The following NINL variants were observed in gnomAD, a reference collection of about 807,000 sequenced individuals.
The protein encoded by NINL is ninein-like protein.
In NINL, 153 loss-of-function variants were observed where a neutral mutation model predicts 160.3. The observed-to-expected ratio is 0.95, with a 90% CI of 0.84 to 1.09. The LOEUF (loss-of-function observed/expected upper bound fraction) is 1.09. NINL is among the 50% of genes least tolerant of loss of function. NINL has a pLI of 0.00. For missense variants in NINL, 1,829 were observed against 1,764.0 expected, an observed-to-expected ratio of 1.04 and a Z score of -0.66; for synonymous variants, 800 against 734.8, an observed-to-expected ratio of 1.09 and a Z score of -1.43.
intron 1 of NINL, among the ~76,000 whole-genome samples, chr20:25,572,386 T>C (rs1313830106): frequency 6.6e-6 from 1 of 152,186 alleles, no homozygotes; most frequent in African/African-American, 2.4e-5. Context: ...GAGAGGTGTC[T>C]CTACCACTGA....
intron 7 of NINL, among the ~76,000 whole-genome samples, chr20:25,502,264 G>A (rs150823868): frequency 1.3e-5 from 2 of 152,250 alleles, no homozygotes; most frequent in East Asian, 3.9e-4. Flanking sequence ...TTACAGACGT[G>A]AGCCACCATG....
chr20:25,473,457 AATAAAATAAAATAAAAT>A (rs1476685056), intron 17 of NINL, among the ~76,000 whole-genome samples: 3 of 148,408 alleles, frequency 2.0e-5, no homozygotes, highest in Non-Finnish European at 4.4e-5. Context: ...CTCTACAATG[AATAAAATAAAATAAAAT>A]ATAAAATAAA....
chr20:25,554,539 C>A (rs2064841923), intron 1 of NINL, among the ~76,000 whole-genome samples: 1 of 149,672 alleles, frequency 6.7e-6, no homozygotes, highest in African/African-American at 2.5e-5. Flanking sequence ...AATCCCAGCA[C>A]TTTGGGAGGC....
At chr20:25,511,030 C>G (rs1362445879) in intron 4 of NINL, among the ~76,000 whole-genome samples, 1 of 152,194 alleles carries the variant, frequency 6.6e-6, no homozygotes, top group East Asian at 1.9e-4. Flanking sequence ...CAACAGTTGA[C>G]ACTGAAAATA....
intron 3 of NINL, among the ~76,000 whole-genome samples, chr20:25,514,003 A>G (rs932314591): frequency 2.6e-4 from 39 of 152,256 alleles, no homozygotes; most frequent in African/African-American, 9.4e-4. Context: ...ACAAAGATAC[A>G]TGAAAATGTG....
intron 5 of NINL, among the ~76,000 whole-genome samples, chr20:25,508,441 C>A (rs1326075755): frequency 2.0e-5 from 3 of 152,240 alleles, no homozygotes; most frequent in Non-Finnish European, 4.4e-5. Flanking sequence ...GCATGGTCAG[C>A]GGCCTGCCTG....
chr20:25,471,758 AG>A (rs1457705628), intron 17 of NINL, among the ~76,000 whole-genome samples: 1 of 152,234 alleles, frequency 6.6e-6, no homozygotes, highest in Non-Finnish European at 1.5e-5. Flanking sequence ...GGGCCCTGGA[AG>A]GAGGTTCAGA....
At chr20:25,491,278 ACC>A in intron 11 of NINL, 71 bp downstream of exon 11, 1 of 1,511,572 alleles carries the variant, frequency 6.6e-7, no homozygotes, top group Non-Finnish European at 8.9e-7. Context: ...TGGATCCTCA[ACC>A]AGGATGACGT....
chr20:25,462,593 T>C (rs750512756), intron 19 of NINL, 52 bp from the exon 20 acceptor site: 1 of 1,465,826 alleles, frequency 6.8e-7, no homozygotes, highest in South Asian at 1.2e-5. Context: ...TTAATTTTCA[T>C]GTTATATATA....
intron 19 of NINL, among the ~76,000 whole-genome samples, chr20:25,463,030 C>A (rs1253552093): frequency 1.3e-5 from 2 of 152,166 alleles, no homozygotes. Context: ...CCAGGTACAA[C>A]TTTGCTCCTG....
At chr20:25,457,199 C>T (rs2090708540) in intron 22 of NINL, among the ~76,000 whole-genome samples, 1 of 152,150 alleles carries the variant, frequency 6.6e-6, no homozygotes, top group African/African-American at 2.4e-5. Flanking sequence ...TGATGCGTGC[C>T]TGTAGTCCCA....
intron 1 of NINL, among the ~76,000 whole-genome samples, chr20:25,543,115 T>C (rs1309277545): frequency 6.6e-6 from 1 of 151,544 alleles, no homozygotes; most frequent in Non-Finnish European, 1.5e-5. Context: ...AAAGTAAAAT[T>C]ATCTGTTTGT....
chr20:25,487,303 G>A (rs550870679), intron 13 of NINL, among the ~76,000 whole-genome samples: 1 of 152,088 alleles, frequency 6.6e-6, no homozygotes, highest in African/African-American at 2.4e-5. Context: ...TCTCATTTTT[G>A]CTGGGTGGGG....
At chr20:25,572,943 A>T (rs902340289) in intron 1 of NINL, among the ~76,000 whole-genome samples, 2 of 152,208 alleles carry the variant, frequency 1.3e-5, no homozygotes, top group Admixed American at 6.5e-5. Flanking sequence ...TAAAACTGAG[A>T]CACTTTCTCT....
In NINL at chr20:25,480,272, A is replaced by G; in HGVS notation, c.1811-5T>C. 1 of 1,611,572 alleles carries G rather than the reference A, an allele frequency of 6.2e-7. No homozygotes were observed. Among genetic ancestry groups the G allele is most frequent in the East Asian group, 2.2e-5 (1 of 44,872 alleles). On this transcript the variant is annotated splice_region_variant and splice_polypyrimidine_tract_variant and intron_variant, in intron 14 of 23. Coordinates refer to ENST00000278886, the MANE Select transcript of NINL (RefSeq NM_025176.6). ...AATTACCCAGGAATGAAATGCCTGC[A>G]AACAAGAGGCCACTTCCGTTTGTCA... is the stretch of plus-strand genomic sequence containing the variant.
chr20:25,509,069 C>G (rs1467950925), intron 5 of NINL, among the ~76,000 whole-genome samples: 1 of 152,174 alleles, frequency 6.6e-6, no homozygotes, highest in African/African-American at 2.4e-5. Flanking sequence ...TGTGACAGCT[C>G]TGATCAATAG....
chr20:25,540,095 T>A, intron 1 of NINL: 1 of 1,254,802 alleles, frequency 8.0e-7, no homozygotes, highest in Non-Finnish European at 1.0e-6. Context: ...GTATTCCACA[T>A]CTGCATAAAA....
chr20:25,510,548 C>G (rs934450125), intron 5 of NINL, 126 bp downstream of exon 5: 1 of 854,622 alleles, frequency 1.2e-6, no homozygotes, highest in African/African-American at 1.7e-5. Context: ...CAGCGGGACA[C>G]AACCCACCCC....
At chr20:25,506,057 T>C (rs924927874) in intron 5 of NINL, among the ~76,000 whole-genome samples, 62 of 151,318 alleles carry the variant, frequency 4.1e-4, no homozygotes, top group African/African-American at 1.5e-3. Flanking sequence ...AGGTCAGGAG[T>C]TCAAGACCAG....
Sources: gnomAD v4.1 joint callset for allele counts (sites outside exome capture counted in the v4.1 genomes callset) on GRCh38, gnomAD v4.1.1 for gene constraint, MANE v1.5 for transcripts, NCBI Gene and HGNC (gene_info 2026-07-23, HGNC 2026-07-21) for gene names.